Variants in PTPRG observed in about 807,000 individuals in gnomAD.
The protein encoded by PTPRG is receptor-type tyrosine-protein phosphatase gamma.
PTPRG carries 102 observed loss-of-function variants against 165.3 expected under a neutral mutation model. The observed-to-expected ratio is 0.62, with a 90% CI of 0.53 to 0.73. The LOEUF (loss-of-function observed/expected upper bound fraction) is 0.73. Ranked by LOEUF, PTPRG falls within the 30% of genes least tolerant of loss-of-function variation. The pLI, the probability that PTPRG is intolerant of heterozygous loss-of-function variation, is 0.00. For missense variants in PTPRG, 1,866 were observed against 1,861.4 expected (o/e 1.00, Z -0.05); for synonymous variants, 675 against 669.5 (o/e 1.01, Z -0.13).
intron 2 of PTPRG, among the ~76,000 whole-genome samples, chr3:61,907,055 A>C (rs1057387749): frequency 6.6e-6 from 1 of 152,170 alleles, no homozygotes; most frequent in Admixed American, 6.5e-5. Flanking sequence ...TGAAATTATA[A>C]AGCATTTTTG....
At chr3:62,204,461 C>T (rs1559647456) in intron 12 of PTPRG, among the ~76,000 whole-genome samples, 2 of 152,066 alleles carry the variant, frequency 1.3e-5, no homozygotes, top group Non-Finnish European at 2.9e-5. Context: ...CGTTAGAAAG[C>T]CAGCAAGCTA....
In PTPRG at chr3:61,671,596, C is replaced by G. The variant is rs1007207081; in HGVS notation, c.86-77282C>G. Among the ~76,000 whole-genome samples, 209 of 148,282 alleles carry G rather than the reference C, an allele frequency of 1.4e-3. 2 individuals are homozygous for G. Among genetic ancestry groups the G allele is most frequent in the African/African-American group, 5.0e-3 (199 of 39,954 alleles). ...CTCAATCTTTTCCCCACCTTTCCCC[C>G]CTTTCTATTCCACAAAACCGCCATT... is the stretch of plus-strand genomic sequence containing the variant. On this transcript the variant is annotated intron_variant, in intron 1 of 29. Coordinates refer to ENST00000474889, the MANE Select transcript of PTPRG (RefSeq NM_002841.4).
At position 62,240,069 on chromosome 3, in the gene PTPRG, A is replaced by G. The variant is rs1701123410; in HGVS notation, c.2376-3738A>G. Among the ~76,000 whole-genome samples, 1 of 152,220 alleles carries G rather than the reference A, an allele frequency of 6.6e-6. No individual in the cohort carries two copies. The highest frequency in any genetic ancestry group is 2.1e-4 in the South Asian group (1 of 4,830). On this transcript the variant is annotated intron_variant, in intron 14 of 29. Coordinates refer to ENST00000474889, the MANE Select transcript of PTPRG (RefSeq NM_002841.4). This position sits in a 1 kb window ranked among gnomAD's most constrained non-coding sequence, Gnocchi z 5.1. Reference sequence around the variant, plus strand: ...TAGTTATTAAAGGAATAAATTAAATACCAGCATTGTAATGCCTCCATGAAA... The same window carrying G: ...TAGTTATTAAAGGAATAAATTAAATGCCAGCATTGTAATGCCTCCATGAAA...
At chr3:61,803,113 T>A (rs1345159879) in intron 2 of PTPRG, among the ~76,000 whole-genome samples, 1 of 152,184 alleles carries the variant, frequency 6.6e-6, no homozygotes, top group East Asian at 1.9e-4. Flanking sequence ...GCCTAAAATA[T>A]TTCCTGTCAG....
At chr3:62,084,830 C>T (rs769621985) in intron 5 of PTPRG, among the ~76,000 whole-genome samples, 19 of 152,156 alleles carry the variant, frequency 1.2e-4, no homozygotes, top group Non-Finnish European at 2.5e-4. Flanking sequence ...TGCATTAATA[C>T]TGTGAGATCA....
intron 4 of PTPRG, among the ~76,000 whole-genome samples, chr3:62,061,660 G>A (rs1355546237): frequency 2.4e-4 from 35 of 146,458 alleles, no homozygotes; most frequent in Non-Finnish European, 3.6e-4. Flanking sequence ...ATGGAGTCTC[G>A]CTCTGTCGCC....
intron 2 of PTPRG, chr3:61,750,231 C>G (rs547841270): frequency 6.6e-6 from 1 of 152,212 alleles, no homozygotes; most frequent in South Asian, 2.1e-4. Context: ...CCAAGAAACC[C>G]AAAGAAAATT....
intron 7 of PTPRG, 126 bp from the exon 8 acceptor site, chr3:62,167,845 G>T: frequency 2.2e-6 from 2 of 916,428 alleles, no homozygotes; most frequent in Non-Finnish European, 3.4e-6. Context: ...CCCTGGCATT[G>T]GGCACTTCCT....
At chr3:62,026,347 C>A (rs1439317651) in intron 4 of PTPRG, among the ~76,000 whole-genome samples, 2 of 152,158 alleles carry the variant, frequency 1.3e-5, no homozygotes, top group Admixed American at 1.3e-4. Flanking sequence ...TTATTTTTTA[C>A]TTCCTAGACA....
chr3:62,051,783 C>T (rs571990298), intron 4 of PTPRG, among the ~76,000 whole-genome samples: 8 of 152,280 alleles, frequency 5.3e-5, no homozygotes, highest in Non-Finnish European at 1.0e-4. Flanking sequence ...TTGCAGCCGG[C>T]GCCCTCATGT....
chr3:61,918,795 C>T (rs2039005813), intron 2 of PTPRG, among the ~76,000 whole-genome samples: 1 of 152,150 alleles, frequency 6.6e-6, no homozygotes, highest in African/African-American at 2.4e-5. Context: ...TTCTCGCTAC[C>T]TCTCTCCTTT....
chr3:61,605,499 G>A (rs1700977420), intron 1 of PTPRG, among the ~76,000 whole-genome samples: 2 of 151,654 alleles, frequency 1.3e-5, no homozygotes, highest in South Asian at 4.2e-4. Context: ...CAGGGGATCT[G>A]TCCACTTTGG....
intron 1 of PTPRG, among the ~76,000 whole-genome samples, chr3:61,591,252 G>C (rs1175710902): frequency 3.9e-5 from 6 of 152,238 alleles, no homozygotes; most frequent in Non-Finnish European, 2.9e-5. Flanking sequence ...TAATAGAAAC[G>C]AGGGTCTTGG....
At chr3:61,888,623 AC>A (rs1309195269) in intron 2 of PTPRG, among the ~76,000 whole-genome samples, 7 of 152,164 alleles carry the variant, frequency 4.6e-5, no homozygotes, top group Non-Finnish European at 7.3e-5. Flanking sequence ...GAGCCACAGT[AC>A]CCAGCCAAAA....
At chr3:62,114,618 A>C (rs1209570039) in intron 5 of PTPRG, among the ~76,000 whole-genome samples, 1 of 152,196 alleles carries the variant, frequency 6.6e-6, no homozygotes, top group Non-Finnish European at 1.5e-5. Context: ...GTTAACCTCT[A>C]AACATACCAA....
At chr3:61,620,943 T>C (rs1701432975) in intron 1 of PTPRG, among the ~76,000 whole-genome samples, 1 of 151,794 alleles carries the variant, frequency 6.6e-6, no homozygotes, top group Admixed American at 6.6e-5. Context: ...AGTTACTCTT[T>C]TAATAAGCGT....
chr3:62,265,527 C>T (rs1402326234), intron 17 of PTPRG, among the ~76,000 whole-genome samples: 1 of 152,066 alleles, frequency 6.6e-6, no homozygotes, highest in African/African-American at 2.4e-5. Flanking sequence ...TTTCTGTATA[C>T]ATGATGTCCT....
chr3:61,866,862 G>T (rs944426732), intron 2 of PTPRG, among the ~76,000 whole-genome samples: 11 of 152,142 alleles, frequency 7.2e-5, no homozygotes, highest in African/African-American at 2.7e-4. Flanking sequence ...CTGCCAAAGT[G>T]CTGGGATTAC....
intron 2 of PTPRG, among the ~76,000 whole-genome samples, chr3:61,854,983 G>A (rs915128069): frequency 1.3e-5 from 2 of 152,136 alleles, no homozygotes; most frequent in Non-Finnish European, 2.9e-5. Context: ...AGGGAATGCC[G>A]CTGGTTTATA....
Sources: allele counts gnomAD v4.1 joint callset (sites outside exome capture counted in the v4.1 genomes callset), GRCh38; gene constraint gnomAD v4.1.1; non-coding constraint Gnocchi (gnomAD v3.1); transcripts MANE v1.5; gene names NCBI Gene and HGNC (gene_info 2026-07-23, HGNC 2026-07-21).